The following NEK11 variants were observed in gnomAD, a reference collection of about 807,000 sequenced individuals.
NEK11 encodes serine/threonine-protein kinase Nek11.
A neutral mutation model predicts 80.7 loss-of-function variants in NEK11; 72 were observed. That is an observed-to-expected ratio of 0.89 (90% CI 0.74 to 1.08). NEK11 has a LOEUF of 1.08. NEK11 is among the 50% of genes least tolerant of loss of function. The pLI is 0.00. For synonymous variants in NEK11, 251 were observed against 260.7 expected, an observed-to-expected ratio of 0.96 and a Z score of 0.36; for missense variants, 764 against 763.6, an observed-to-expected ratio of 1.00 and a Z score of -0.01.
chr3:131,053,499 T>C (rs1323992658), intron 3 of NEK11: 1 of 152,248 alleles, frequency 6.6e-6, no homozygotes, highest in African/African-American at 2.4e-5. Flanking sequence ...ATGTATTAGA[T>C]TGATGTTTCC....
intron 3 of NEK11, among the ~76,000 whole-genome samples, chr3:131,033,375 T>G (rs2065159644): frequency 6.6e-6 from 1 of 152,198 alleles, no homozygotes; most frequent in Non-Finnish European, 1.5e-5. Context: ...ACTTCTATAA[T>G]GGTATGAATG....
chr3:131,249,148 G>A (rs529364939), intron 16 of NEK11, among the ~76,000 whole-genome samples: 1 of 152,184 alleles, frequency 6.6e-6, no homozygotes, highest in African/African-American at 2.4e-5. Flanking sequence ...AACATAAGAG[G>A]AGATGGAAGC....
rs1236392964 is a variant in NEK11, at chr3:131,233,776, C to T, written c.1560+5088C>T. On this transcript the variant is annotated intron_variant, in intron 15 of 17. Coordinates refer to ENST00000383366, the MANE Select transcript of NEK11 (RefSeq NM_024800.5). ...TATTTTTCACACAATCTAGTCCCTA[C>T]GTGCAAATCAGCTATTTCATTTGCT... Among the ~76,000 whole-genome samples, 6 of 152,190 alleles carry T rather than the reference C, an allele frequency of 3.9e-5. No homozygotes were observed. The East Asian group carries it at 9.6e-4, about 24-fold the overall frequency.
At chr3:131,304,377 C>G (rs945321287) in intron 17 of NEK11, among the ~76,000 whole-genome samples, 2 of 152,278 alleles carry the variant, frequency 1.3e-5, no homozygotes, top group African/African-American at 4.8e-5. Flanking sequence ...ATGATCTTTT[C>G]TATCCATATT....
At chr3:131,103,912 G>A (rs1306858044) in intron 4 of NEK11, among the ~76,000 whole-genome samples, 3 of 152,202 alleles carry the variant, frequency 2.0e-5, no homozygotes, top group African/African-American at 4.8e-5. Flanking sequence ...CTTGGGGGCA[G>A]CAGAGGTGGG....
In NEK11 at chr3:131,061,656, A is replaced by G. The variant is rs184277292; in HGVS notation, c.171-18767A>G. Among the ~76,000 whole-genome samples, 20 of 152,346 alleles carry G rather than the reference A, an allele frequency of 1.3e-4. No homozygotes were observed. The East Asian group carries it at 3.7e-3, about 28-fold the overall frequency. On this transcript the variant is annotated intron_variant, in intron 3 of 17. Coordinates refer to ENST00000383366, the MANE Select transcript of NEK11 (RefSeq NM_024800.5). Reference sequence around the variant, plus strand: ...CTTTAAAGACTGCTAATACATATGTATCCTCCTTTCTGTTATCTTATCAGG... The same window carrying G: ...CTTTAAAGACTGCTAATACATATGTGTCCTCCTTTCTGTTATCTTATCAGG...
intron 3 of NEK11, among the ~76,000 whole-genome samples, chr3:131,047,772 G>A (rs1429020237): frequency 4.6e-5 from 7 of 152,188 alleles, no homozygotes; most frequent in South Asian, 2.1e-4. Flanking sequence ...AGAAGGTGGC[G>A]CTTTCAAGAG....
At chr3:131,193,670 A>G (rs2093888097) in intron 14 of NEK11, among the ~76,000 whole-genome samples, 1 of 152,182 alleles carries the variant, frequency 6.6e-6, no homozygotes, top group Non-Finnish European at 1.5e-5. Flanking sequence ...ATAAAATTCT[A>G]CATTCTTACT....
At chr3:131,330,091 T>C (rs1227767111) in intron 17 of NEK11, 2 of 152,082 alleles carry the variant, frequency 1.3e-5, no homozygotes, top group Non-Finnish European at 2.9e-5. Context: ...AGTGTTGGGA[T>C]CCTAGTTACA....
intron 14 of NEK11, among the ~76,000 whole-genome samples, chr3:131,216,193 T>C (rs1216410725): frequency 1.3e-5 from 2 of 152,190 alleles, no homozygotes; most frequent in Non-Finnish European, 2.9e-5. Flanking sequence ...TGAAGGTACA[T>C]ATGAGAACTA....
intron 15 of NEK11, among the ~76,000 whole-genome samples, chr3:131,229,086 T>G (rs1488463102): frequency 6.6e-6 from 1 of 152,138 alleles, no homozygotes; most frequent in Non-Finnish European, 1.5e-5. Flanking sequence ...TATTCACAAA[T>G]TGAATGCAAA....
chr3:131,176,775 A>C (rs190440926), intron 14 of NEK11, among the ~76,000 whole-genome samples: 8 of 152,302 alleles, frequency 5.3e-5, no homozygotes, highest in African/African-American at 9.6e-5. Flanking sequence ...ATTCATGGGG[A>C]AAACCAGCAC....
intron 14 of NEK11, among the ~76,000 whole-genome samples, chr3:131,186,849 C>T (rs538711359): frequency 6.6e-6 from 1 of 152,196 alleles, no homozygotes; most frequent in Admixed American, 6.5e-5. Context: ...TAATGTAATC[C>T]TCTGCTTTGG....
chr3:131,079,236 G>T (rs1266156459), intron 3 of NEK11, among the ~76,000 whole-genome samples: 1 of 152,150 alleles, frequency 6.6e-6, no homozygotes, highest in African/African-American at 2.4e-5. Context: ...CAACTGGGAG[G>T]GCAGAAGTTC....
chr3:131,259,984 C>G (rs944455928), intron 16 of NEK11, among the ~76,000 whole-genome samples: 4 of 152,144 alleles, frequency 2.6e-5, no homozygotes, highest in Non-Finnish European at 5.9e-5. Flanking sequence ...ACTATTGTCA[C>G]AGGAGAAGCT....
At chr3:131,179,286 T>C (rs11707745) in intron 14 of NEK11, among the ~76,000 whole-genome samples, 6 of 152,222 alleles carry the variant, frequency 3.9e-5, no homozygotes, top group Non-Finnish European at 7.3e-5. Flanking sequence ...ATTTATGTTC[T>C]TTATAAATTA....
At chr3:131,140,155 T>G (rs2086568986) in intron 7 of NEK11, among the ~76,000 whole-genome samples, 1 of 152,214 alleles carries the variant, frequency 6.6e-6, no homozygotes, top group Admixed American at 6.5e-5. Context: ...GGTAAGCCTG[T>G]GATTATGGCA....
intron 16 of NEK11, among the ~76,000 whole-genome samples, chr3:131,249,627 A>T (rs779433432): frequency 1.3e-5 from 2 of 152,124 alleles, no homozygotes; most frequent in Non-Finnish European, 2.9e-5. Flanking sequence ...CCCAGATACC[A>T]TTCCTACTTG....
chr3:131,320,520 GGAGAGAGAGA>G (rs144796371), intron 17 of NEK11, among the ~76,000 whole-genome samples: 2 of 149,944 alleles, frequency 1.3e-5, no homozygotes, highest in Non-Finnish European at 3.0e-5. Context: ...GGAAGAGGAG[GGAGAGAGAGA>G]GAGAGAGAGA....
Sources: gnomAD v4.1 joint callset for allele counts (sites outside exome capture counted in the v4.1 genomes callset) on GRCh38, gnomAD v4.1.1 for gene constraint, MANE v1.5 for transcripts, NCBI Gene and HGNC (gene_info 2026-07-23, HGNC 2026-07-21) for gene names.